The following USP39 variants were observed in gnomAD, a reference collection of about 807,000 sequenced individuals.
The protein encoded by USP39 is ubiquitin specific peptidase 39.
Under a neutral mutation model 66.4 loss-of-function variants are expected in USP39, and 38 were observed. The observed-to-expected ratio is 0.57, with a 90% CI of 0.44 to 0.75. USP39 has a LOEUF of 0.75. Ranked by LOEUF, USP39 falls within the 30% of genes least tolerant of loss-of-function variation. The pLI, the probability that USP39 is intolerant of heterozygous loss-of-function variation, is 0.00. For missense variants in USP39, 608 were observed against 714.4 expected, an observed-to-expected ratio of 0.85 and a Z score of 1.70; for synonymous variants, 303 against 274.6, an observed-to-expected ratio of 1.10 and a Z score of -1.02.
intron 6 of USP39, among the ~76,000 whole-genome samples, chr2:85,632,998 C>T (rs779605884): frequency 6.6e-6 from 1 of 152,030 alleles, no homozygotes; most frequent in East Asian, 1.9e-4. Flanking sequence ...GTAGCTGGAC[C>T]CTTGGACTCC....
At chr2:85,620,958 T>C (rs1674414517) in intron 2 of USP39, among the ~76,000 whole-genome samples, 1 of 151,998 alleles carries the variant, frequency 6.6e-6, no homozygotes, top group African/African-American at 2.4e-5. Context: ...CTATTTGTTT[T>C]TATGGATAAA....
upstream of USP39, chr2:85,615,976 C>T (rs754241318): frequency 4.7e-6 from 4 of 852,016 alleles, no homozygotes; most frequent in Non-Finnish European, 5.6e-6. Flanking sequence ...GTTCCCGTCT[C>T]AGTAAACTGT....
At chr2:85,637,317 A>C (rs924479912) in intron 7 of USP39, 52 bp from the exon 8 acceptor site, 9 of 1,585,892 alleles carry the variant, frequency 5.7e-6, no homozygotes, top group Non-Finnish European at 7.8e-6. Flanking sequence ...AATATACTTC[A>C]GACATGTTTT....
At chr2:85,636,911 T>C (rs959634746) in intron 7 of USP39, among the ~76,000 whole-genome samples, 4 of 152,194 alleles carry the variant, frequency 2.6e-5, no homozygotes, top group Admixed American at 2.0e-4. Context: ...AGAACTTGGT[T>C]GTGCTTTCTC....
chr2:85,646,830 G>A (rs1276220939), intron 11 of USP39, among the ~76,000 whole-genome samples: 2 of 150,454 alleles, frequency 1.3e-5, no homozygotes, highest in African/African-American at 4.9e-5. Flanking sequence ...AAGGAATCAG[G>A]TTAGTGTGAT....
chr2:85,622,932 A>G (rs1674571518), intron 3 of USP39, among the ~76,000 whole-genome samples: 1 of 152,224 alleles, frequency 6.6e-6, no homozygotes, highest in Non-Finnish European at 1.5e-5. Context: ...ATAAGGAGTC[A>G]AGGTTGACAT....
At chr2:85,648,072 G>C (rs914568985) in intron 12 of USP39, 56 bp downstream of exon 12, 1 of 1,583,724 alleles carries the variant, frequency 6.3e-7, no homozygotes, top group African/African-American at 1.3e-5. Flanking sequence ...GGGCCAGTGA[G>C]AGGAGTGGGC....
Position 85,619,160 on chromosome 2 carries a change from G to T in USP39, c.269-60G>T. The T allele has an allele frequency of 3.2e-6, 5 of 1,560,954 alleles. No homozygotes were observed. The Admixed American group carries it at 7.0e-5, about 22-fold the overall frequency. On this transcript the variant is annotated intron_variant, in intron 1 of 12. Transcript: ENST00000323701. ...CCATTTCTGTTTCTTTTTTTGTTCT[G>T]TTAGTTGGCCCTGAGTATAGGTTTC...
rs1156614237 is a variant in USP39 at position 85,639,223 on chromosome 2, G to A, written c.1116G>A (p.Gln372=). ...TCTAGCCAGCAGAAGAAAAAGAGCA[G>A]TTGCTCCATAATGACGAGTACCAGG... is the stretch of plus-strand genomic sequence containing the variant. ...HPDLPAEEKE[Q]LLHNDEYQET... The change falls in exon 9 of 13, where the codon CAG becomes CAA. Residue 372 remains glutamine, a synonymous_variant. Transcript: ENST00000323701. 6.2e-7 allele frequency: 1 copy of A among 1,612,490 alleles called. No homozygotes were observed. The highest frequency in any genetic ancestry group is 8.5e-7 in the Non-Finnish European group (1 of 1,179,440).
chr2:85,639,055 G>T (rs1676021505), intron 8 of USP39, 148 bp from the exon 9 acceptor site: 1 of 692,464 alleles, frequency 1.4e-6, no homozygotes, highest in East Asian at 2.9e-5. Flanking sequence ...ATCTAACCAG[G>T]TGGTGCATGC....
At chr2:85,636,972 T>C (rs1262399022) in intron 7 of USP39, among the ~76,000 whole-genome samples, 2 of 152,358 alleles carry the variant, frequency 1.3e-5, no homozygotes, top group South Asian at 2.1e-4. Flanking sequence ...GTCATTGTCC[T>C]CTTGTCTTCA....
chr2:85,629,916 C>T (rs140871246), intron 5 of USP39, among the ~76,000 whole-genome samples: 5,635 of 151,996 alleles, frequency 0.037, 365 homozygotes, highest in African/African-American at 0.13. Context: ...GAGCCAAGAT[C>T]GTGCCACTGC....
intron 6 of USP39, among the ~76,000 whole-genome samples, chr2:85,632,548 G>A (rs899936236): frequency 1.3e-4 from 19 of 150,596 alleles, no homozygotes; most frequent in African/African-American, 4.6e-4. Flanking sequence ...CCTGGGTTCA[G>A]GTGATTCTTC....
At chr2:85,615,829 C>T (rs1354999557), upstream of USP39, among the ~76,000 whole-genome samples, 1 of 152,174 alleles carries the variant, frequency 6.6e-6, no homozygotes, top group Non-Finnish European at 1.5e-5. Context: ...GGGGTTTCTC[C>T]ATGTTGGTCA....
At chr2:85,611,679 G>A (rs1046947660), upstream of USP39, 1 of 1,566,116 alleles carries the variant, frequency 6.4e-7, no homozygotes, top group Non-Finnish European at 8.6e-7. Context: ...TCGGTGTCGC[G>A]GCAGGTACAC....
At chr2:85,619,408 G>C (rs1386707126) in intron 2 of USP39, 119 bp downstream of exon 2, 8 of 979,600 alleles carry the variant, frequency 8.2e-6, no homozygotes, top group African/African-American at 1.6e-5. Context: ...CCTGTCTAGA[G>C]AGTTGTGCTT....
intron 1 of USP39, among the ~76,000 whole-genome samples, chr2:85,603,595 C>CT (rs767019412): frequency 0.02 from 2,803 of 143,034 alleles, 40 homozygotes; most frequent in African/African-American, 0.047. Context: ...TTTTCTTTTT[C>CT]TTTTTTTTTT....
intron 5 of USP39, among the ~76,000 whole-genome samples, chr2:85,628,829 C>A (rs1419144554): frequency 6.6e-6 from 1 of 152,084 alleles, no homozygotes; most frequent in Non-Finnish European, 1.5e-5. Flanking sequence ...CTTAGCTTGT[C>A]GGGGCTTTCC....
At chr2:85,618,033 A>C (rs1441426105) in intron 1 of USP39, among the ~76,000 whole-genome samples, 22 of 151,276 alleles carry the variant, frequency 1.5e-4, no homozygotes, top group Admixed American at 1.4e-3. Context: ...AGCTCACTGC[A>C]ACCTCTGCCT....
Sources: gnomAD v4.1 joint callset for allele counts (sites outside exome capture counted in the v4.1 genomes callset) on GRCh38, gnomAD v4.1.1 for gene constraint, MANE v1.5 for transcripts, NCBI Gene and HGNC (gene_info 2026-07-23, HGNC 2026-07-21) for gene names.